Variants in P2RY14 observed in about 807,000 individuals in gnomAD.
The protein encoded by P2RY14 is P2Y purinoceptor 14.
In P2RY14, 2 loss-of-function variants were observed where a neutral mutation model predicts 0.9. The observed-to-expected ratio is 2.16, with a 90% CI of 0.88 to 6.79. The LOEUF (loss-of-function observed/expected upper bound fraction) is 6.79. Among genes scored for constraint, P2RY14 ranks in the 30% most tolerant of loss-of-function variants. The probability of loss-of-function intolerance (pLI) is 0.05; values close to 1 mark genes in which losing one functional copy is unlikely to be tolerated. For missense variants in P2RY14, 378 were observed against 400.1 expected (o/e 0.94, Z 0.47); for synonymous variants, 158 against 147.2 (o/e 1.07, Z -0.53).
intron 1 of P2RY14, among the ~76,000 whole-genome samples, chr3:151,220,411 T>TGGG (rs1273119638): frequency 6.6e-5 from 10 of 152,146 alleles, no homozygotes; most frequent in African/African-American, 2.4e-4. Context: ...ACACATTACC[T>TGGG]GGGATCTTGC....
Position 151,212,950 on chromosome 3 carries a change from G to C in P2RY14, c.*350C>G. 1 of 155,460 alleles carries C rather than the reference G, an allele frequency of 6.4e-6. No homozygotes were observed. Among genetic ancestry groups the C allele is most frequent in the Admixed American group, 6.5e-5 (1 of 15,376 alleles). The allele number at this position is 155,460 out of a possible 1,614,324, so 9.6% of individuals were successfully genotyped here. A position where few individuals can be genotyped will look rare whatever the true frequency, so the allele number is the denominator to read the frequency against. On this transcript the variant is annotated 3_prime_UTR_variant, in exon 3 of 3. Coordinates refer to ENST00000309170, the MANE Select transcript of P2RY14 (RefSeq NM_014879.4). ...GAGAAAGAAGATGCCTGAGTGAGTT[G>C]TCTTTGATTATGTTGTGTTTTATTT...
In P2RY14 at chr3:151,243,802, A is replaced by G. The variant is rs1169670420; in HGVS notation, c.-132-24160T>C. 2.6e-3 allele frequency among the ~76,000 whole-genome samples: 400 copies of G among 151,860 alleles called. 2 individuals are homozygous for G. The highest frequency in any genetic ancestry group is 8.9e-3 in the African/African-American group (370 of 41,368). On this transcript the variant is annotated intron_variant, in intron 1 of 2. Transcript: ENST00000309170. The stretch of plus-strand genomic sequence containing the variant: ...AAATGTAAATGGACTAAATGCTCCA[A>G]TTAAACGACACAGACTGGCAAATTG...
intron 1 of P2RY14, among the ~76,000 whole-genome samples, chr3:151,227,131 G>A (rs16863269): frequency 0.02 from 3,043 of 152,284 alleles, 88 homozygotes; most frequent in African/African-American, 0.069. Context: ...TAGAATCCAG[G>A]TCAGTGACCA....
chr3:151,246,357 C>G (rs1348742273), intron 1 of P2RY14, among the ~76,000 whole-genome samples: 1 of 152,028 alleles, frequency 6.6e-6, no homozygotes, highest in Non-Finnish European at 1.5e-5. Flanking sequence ...ATCACGCTAC[C>G]TGACTTCAAA....
chr3:151,252,726 TC>T (rs1470442082), intron 1 of P2RY14, among the ~76,000 whole-genome samples: 1 of 152,204 alleles, frequency 6.6e-6, no homozygotes, highest in Admixed American at 6.5e-5. Flanking sequence ...TTGTACATAT[TC>T]AGTTTGCTAT....
intron 1 of P2RY14, among the ~76,000 whole-genome samples, chr3:151,235,513 G>T (rs1468038281): frequency 6.6e-6 from 1 of 152,086 alleles, no homozygotes; most frequent in East Asian, 1.9e-4. Context: ...AGACCATCAT[G>T]GCTAACATGG....
chr3:151,237,439 T>C (rs1462913594), intron 1 of P2RY14, among the ~76,000 whole-genome samples: 3 of 129,924 alleles, frequency 2.3e-5, no homozygotes. Flanking sequence ...AACCTCCACC[T>C]CCTGGGTTCA....
Position 151,263,489 on chromosome 3 carries a change from C to T in P2RY14, c.-133+14798G>A, listed in dbSNP as rs756267428. On this transcript the variant is annotated intron_variant, in intron 1 of 2. Coordinates refer to ENST00000309170, the MANE Select transcript of P2RY14 (RefSeq NM_014879.4). ...CATTTGTTTGTAAAGTTGTTTTGTT[C>T]TTTGATTTTGAGTTTAATGCCAACT... is the stretch of plus-strand genomic sequence containing the variant. Among the ~76,000 whole-genome samples, 31 of 152,118 alleles carry T rather than the reference C, an allele frequency of 2.0e-4. 1 individual carries two copies. Among genetic ancestry groups the T allele is most frequent in the Admixed American group, 1.6e-3 (25 of 15,286 alleles).
chr3:151,213,312 T>C lies in P2RY14; in HGVS notation c.1005A>G (p.Thr335=). The part of the protein sequence containing the change: ...IKRGNTTLES[T]DTL Reference sequence around the variant, plus strand: ...AGAGGGTAGGAACTCACAAAGTATCTGTGCTTTCAAGTGTTGTATTTCCTC... The same window carrying C: ...AGAGGGTAGGAACTCACAAAGTATCCGTGCTTTCAAGTGTTGTATTTCCTC... Residue 335 remains threonine (T), a synonymous_variant, in exon 3 of 3, where the codon ACA becomes ACG. Coordinates refer to ENST00000309170, the MANE Select transcript of P2RY14 (RefSeq NM_014879.4). The C allele has an allele frequency of 6.2e-7, 1 of 1,606,508 alleles. No homozygotes were observed. Among genetic ancestry groups the C allele is most frequent in the Non-Finnish European group, 8.5e-7 (1 of 1,177,090 alleles).
At chr3:151,223,466 T>G (rs1729825938) in intron 1 of P2RY14, among the ~76,000 whole-genome samples, 1 of 152,226 alleles carries the variant, frequency 6.6e-6, no homozygotes. Context: ...ATGGATTGGA[T>G]GAAGAAAATA....
At chr3:151,257,886 T>C (rs1459291206) in intron 1 of P2RY14, among the ~76,000 whole-genome samples, 1 of 152,230 alleles carries the variant, frequency 6.6e-6, no homozygotes, top group Non-Finnish European at 1.5e-5. Context: ...CTCTCCCTAC[T>C]ACAGCCTTTG....
chr3:151,269,473 G>A, intron 1 of P2RY14: 1 of 263,656 alleles, frequency 3.8e-6, no homozygotes, highest in South Asian at 4.1e-5. Context: ...AAGCCAGTGG[G>A]GAGATTGTGA....
chr3:151,228,889 A>T (rs1731057194), intron 1 of P2RY14, among the ~76,000 whole-genome samples: 1 of 152,198 alleles, frequency 6.6e-6, no homozygotes, highest in Admixed American at 6.5e-5. Context: ...CCCTGGGGCC[A>T]GGCAAGGAAA....
In P2RY14 at chr3:151,214,156, T is replaced by C; in HGVS notation, c.161A>G (p.Lys54Arg). ...GTTCTTGAGATAGATGATGAAACTC[T>C]TAGAGCTGGGCACGTAAAAGAATAT... Reference protein sequence around the residue: ...GWIFFYVPSSKSFIIYLKNIV... With the variant: ...GWIFFYVPSSRSFIIYLKNIV... Residue 54 changes from lysine (K) to arginine (R), a missense_variant, in exon 3 of 3, where the codon AAG becomes AGG. Physicochemically the swap from Lys to Arg is conservative, Grantham distance 26. Transcript: ENST00000309170. 5 of 1,614,158 alleles carry C rather than the reference T, an allele frequency of 3.1e-6. No homozygotes were observed. Among genetic ancestry groups the C allele is most frequent in the Non-Finnish European group, 4.2e-6 (5 of 1,180,010 alleles).
intron 1 of P2RY14, among the ~76,000 whole-genome samples, chr3:151,274,554 T>G (rs967678552): frequency 2.0e-5 from 3 of 152,244 alleles, no homozygotes; most frequent in Non-Finnish European, 4.4e-5. Flanking sequence ...TTAACTGAAC[T>G]AAGTATCATT....
At chr3:151,230,585 T>G (rs1399146091) in intron 1 of P2RY14, among the ~76,000 whole-genome samples, 4 of 150,932 alleles carry the variant, frequency 2.7e-5, no homozygotes, top group Non-Finnish European at 4.4e-5. Context: ...TTTTTTTTTT[T>G]GAATGCACTT....
chr3:151,220,388 C>G (rs1343297377), intron 1 of P2RY14, among the ~76,000 whole-genome samples: 2 of 152,076 alleles, frequency 1.3e-5, no homozygotes, highest in African/African-American at 4.8e-5. Context: ...GCTCCCTAAA[C>G]TTTAATGTGC....
At chr3:151,246,239 A>G (rs1364237219) in intron 1 of P2RY14, among the ~76,000 whole-genome samples, 1 of 152,220 alleles carries the variant, frequency 6.6e-6, no homozygotes, top group Non-Finnish European at 1.5e-5. Context: ...CAAGCTACCA[A>G]TGCCTTTCTT....
rs905837254 is a variant in P2RY14 at position 151,244,991 on chromosome 3, C to T, written c.-132-25349G>A. ...TACCATCAGATAATACTACAAACAC[C>T]TCTACGCAAATAAACTAGAAAATCT... On this transcript the variant is annotated intron_variant, in intron 1 of 2. Transcript: ENST00000309170. Among the ~76,000 whole-genome samples the T allele has an allele frequency of 7.0e-5, 10 of 143,776 alleles. No individual in the cohort carries two copies. In the South Asian group the frequency reaches 7.3e-4, roughly 10 times the overall value. 94.3% of individuals were successfully genotyped at this position (143,776 alleles called of 152,430 possible).
Sources: allele counts gnomAD v4.1 joint callset (sites outside exome capture counted in the v4.1 genomes callset), GRCh38; gene constraint gnomAD v4.1.1; transcripts MANE v1.5; gene names NCBI Gene and HGNC (gene_info 2026-07-23, HGNC 2026-07-21).